The following CYP20A1 variants were observed in gnomAD, a reference collection of about 807,000 sequenced individuals.
CYP20A1 encodes cytochrome P450 family 20 subfamily A member 1.
CYP20A1 carries 61 observed loss-of-function variants against 61.4 expected under a neutral mutation model. The observed-to-expected ratio is 0.99, with a 90% CI of 0.81 to 1.23. The LOEUF (loss-of-function observed/expected upper bound fraction) is 1.23. Ranked by LOEUF, CYP20A1 falls within the 50% of genes most tolerant of loss-of-function variation. The pLI is 0.00. For missense variants in CYP20A1, 530 were observed against 542.4 expected (o/e 0.98, Z 0.23); for synonymous variants, 193 against 188.2 (o/e 1.03, Z -0.21).
At chr2:203,260,337 C>G (rs1158273977) in intron 4 of CYP20A1, among the ~76,000 whole-genome samples, 1 of 152,036 alleles carries the variant, frequency 6.6e-6, no homozygotes, top group Non-Finnish European at 1.5e-5. Flanking sequence ...GTTCTTGTGC[C>G]TCAGCCTCCC....
At chr2:203,282,166 T>G (rs1346265666) in intron 8 of CYP20A1, among the ~76,000 whole-genome samples, 1 of 150,994 alleles carries the variant, frequency 6.6e-6, no homozygotes, top group Non-Finnish European at 1.5e-5. Context: ...GCCCCCTGAG[T>G]AGCTGGGATT....
intron 3 of CYP20A1, among the ~76,000 whole-genome samples, chr2:203,249,173 CA>C (rs1436422232): frequency 2.0e-5 from 3 of 152,122 alleles, no homozygotes; most frequent in African/African-American, 7.2e-5. Context: ...CTATAAAACA[CA>C]AGTTAGATAA....
chr2:203,263,095 TCTC>T (rs2067198346), intron 4 of CYP20A1, among the ~76,000 whole-genome samples: 1 of 151,804 alleles, frequency 6.6e-6, no homozygotes, highest in South Asian at 2.1e-4. Context: ...TTCAAGCAGT[TCTC>T]CTGCCTCAGC....
At chr2:203,262,843 C>T (rs932618161) in intron 4 of CYP20A1, among the ~76,000 whole-genome samples, 1 of 151,408 alleles carries the variant, frequency 6.6e-6, no homozygotes, top group African/African-American at 2.4e-5. Context: ...TGCCTGCCAC[C>T]ACGCCCTGCT....
chr2:203,278,763 C>A (rs1485035997), intron 7 of CYP20A1, 75 bp downstream of exon 7: 2 of 752,666 alleles, frequency 2.7e-6, no homozygotes, highest in African/African-American at 1.8e-5. Flanking sequence ...GACTGTAGTC[C>A]CAGCTACTTG....
intron 1 of CYP20A1, 64 bp from the exon 2 acceptor site, chr2:203,245,782 G>A: frequency 7.8e-6 from 7 of 897,856 alleles, no homozygotes; most frequent in Non-Finnish European, 8.7e-6. Context: ...CAGATGTGTT[G>A]GTGAAACACA....
At position 203,304,509 on chromosome 2, in the gene CYP20A1, T is replaced by G. The variant is rs1318762216; in HGVS notation, c.*7601T>G. Among the ~76,000 whole-genome samples the G allele has an allele frequency of 6.6e-6, 1 of 152,142 alleles. No homozygotes were observed. Among genetic ancestry groups the G allele is most frequent in the East Asian group, 1.9e-4 (1 of 5,184 alleles). ...ACAGCGCCCGGCCAAAAAAAGGAAT[T>G]TTTAAGAGGAAAAAGAATGCTACCA... is the stretch of plus-strand genomic sequence containing the variant. On this transcript the variant is annotated 3_prime_UTR_variant, in exon 13 of 13. Coordinates refer to ENST00000356079, the MANE Select transcript of CYP20A1 (RefSeq NM_177538.3).
intron 9 of CYP20A1, among the ~76,000 whole-genome samples, chr2:203,286,758 C>G (rs1299871287): frequency 4.6e-5 from 7 of 152,134 alleles, no homozygotes; most frequent in Admixed American, 3.3e-4. Context: ...CAATTGTATA[C>G]AATTACTAAA....
chr2:203,268,136 C>G (rs1344606316), intron 5 of CYP20A1, among the ~76,000 whole-genome samples: 1 of 152,148 alleles, frequency 6.6e-6, no homozygotes, highest in Non-Finnish European at 1.5e-5. Flanking sequence ...CCATTCCTCC[C>G]CCTTTCCTCA....
intron 4 of CYP20A1, among the ~76,000 whole-genome samples, chr2:203,257,492 T>TA (rs897768210): frequency 3.9e-5 from 6 of 151,990 alleles, no homozygotes; most frequent in African/African-American, 1.2e-4. Context: ...AAATATCCAT[T>TA]AAAAAATTTT....
intron 4 of CYP20A1, among the ~76,000 whole-genome samples, 165 bp from the exon 5 acceptor site, chr2:203,266,349 A>G (rs1207695128): frequency 6.6e-6 from 1 of 152,140 alleles, no homozygotes; most frequent in East Asian, 1.9e-4. Context: ...ACCATTGAGG[A>G]TGCAATTATA....
At chr2:203,293,274 G>A (rs2068623461) in intron 11 of CYP20A1, among the ~76,000 whole-genome samples, 1 of 134,670 alleles carries the variant, frequency 7.4e-6, no homozygotes, top group Admixed American at 8.0e-5. Flanking sequence ...GGAGTGCAGT[G>A]GTATGATCTA....
chr2:203,260,510 C>T (rs1363128356), intron 4 of CYP20A1, among the ~76,000 whole-genome samples: 1 of 152,042 alleles, frequency 6.6e-6, no homozygotes, highest in East Asian at 1.9e-4. Flanking sequence ...GCGTGAGCCA[C>T]CGCGTCTGGC....
At chr2:203,256,887 GA>G (rs2066912741) in intron 4 of CYP20A1, among the ~76,000 whole-genome samples, 2 of 151,982 alleles carry the variant, frequency 1.3e-5, no homozygotes, top group Non-Finnish European at 1.5e-5. Flanking sequence ...TTTCTCCTCT[GA>G]AACATTTTTC....
At chr2:203,281,991 A>G (rs2068060759) in intron 8 of CYP20A1, among the ~76,000 whole-genome samples, 1 of 152,002 alleles carries the variant, frequency 6.6e-6, no homozygotes, top group African/African-American at 2.4e-5. Flanking sequence ...ATAGATGACT[A>G]AATTGAATTT....
In CYP20A1 at chr2:203,301,575, A is replaced by G. The variant is rs983285997; in HGVS notation, c.*4667A>G. Among the ~76,000 whole-genome samples the G allele has an allele frequency of 6.6e-6, 1 of 151,966 alleles. No individual in the cohort carries two copies. On this transcript the variant is annotated 3_prime_UTR_variant, in exon 13 of 13. Coordinates refer to ENST00000356079, the MANE Select transcript of CYP20A1 (RefSeq NM_177538.3). ...TGTGAGCCACGGCACCTGGTCCATAAAACATTTTTTTATGAACTAAAGAGC... is the reference window on the plus strand; with the variant it reads ...TGTGAGCCACGGCACCTGGTCCATAGAACATTTTTTTATGAACTAAAGAGC...
At chr2:203,255,629 T>G (rs1207417789) in intron 4 of CYP20A1, among the ~76,000 whole-genome samples, 1 of 152,244 alleles carries the variant, frequency 6.6e-6, no homozygotes, top group African/African-American at 2.4e-5. Flanking sequence ...GACTCTAGTT[T>G]GAAAACCCCT....
At position 203,296,503 on chromosome 2, in the gene CYP20A1, T is replaced by C; in HGVS notation, c.1178T>C (p.Leu393Ser). 6.2e-7 allele frequency: 1 copy of C among 1,612,618 alleles called. No individual in the cohort carries two copies. The highest frequency in any genetic ancestry group is 1.7e-4 in the Middle Eastern group (1 of 6,054). ...GATCCAGATCGGTTTGATGATGAATTAGTAATGAAAACTTTTTCCTCACTT... is the reference window on the plus strand; with the variant it reads ...GATCCAGATCGGTTTGATGATGAATCAGTAATGAAAACTTTTTCCTCACTT... ...KFDPDRFDDE[L>S]VMKTFSSLGF... is the part of the protein sequence containing the mutation. Residue 393 changes from leucine to serine, a missense_variant, in exon 12 of 13, where the codon TTA becomes TCA. Transcript: ENST00000356079.
chr2:203,245,107 G>A (rs538082113), intron 1 of CYP20A1, among the ~76,000 whole-genome samples: 2 of 145,566 alleles, frequency 1.4e-5, no homozygotes, highest in East Asian at 2.0e-4. Context: ...TTGGCTCAGT[G>A]CAACCTCTGC....
Sources: gnomAD v4.1 joint callset for allele counts (sites outside exome capture counted in the v4.1 genomes callset) on GRCh38, gnomAD v4.1.1 for gene constraint, MANE v1.5 for transcripts, NCBI Gene and HGNC (gene_info 2026-07-23, HGNC 2026-07-21) for gene names.